The following CRTC3 variants were observed in gnomAD, a reference collection of about 807,000 sequenced individuals.
CRTC3 encodes the protein CREB regulated transcription coactivator 3, also known as CREB-regulated transcription coactivator 3.
Under a neutral mutation model 74.5 loss-of-function variants are expected in CRTC3, and 26 were observed. The observed-to-expected ratio is 0.35, with a 90% CI of 0.26 to 0.48. The LOEUF (loss-of-function observed/expected upper bound fraction) is 0.48, where lower values mean the gene tolerates loss of function less well. CRTC3 is among the 20% of genes least tolerant of loss of function. The probability of loss-of-function intolerance (pLI) is 0.99; values close to 1 mark genes in which losing one functional copy is unlikely to be tolerated. For missense variants in CRTC3, 760 were observed against 787.3 expected (o/e 0.97, Z 0.41); for synonymous variants, 377 against 325.8 (o/e 1.16, Z -1.69).
At chr15:90,607,545 A>T in intron 6 of CRTC3, 67 bp downstream of exon 6, 1 of 1,018,416 alleles carries the variant, frequency 9.8e-7, no homozygotes. Flanking sequence ...ACCAAGGGAG[A>T]GAGAAGCTGA....
At chr15:90,557,351 T>C (rs1966915389) in intron 2 of CRTC3, among the ~76,000 whole-genome samples, 1 of 152,118 alleles carries the variant, frequency 6.6e-6, no homozygotes, top group African/African-American at 2.4e-5. Context: ...TTTCTCGCCC[T>C]TTGCTGACAG....
At chr15:90,586,285 A>G (rs1232801008) in intron 2 of CRTC3, among the ~76,000 whole-genome samples, 1 of 151,748 alleles carries the variant, frequency 6.6e-6, no homozygotes, top group Non-Finnish European at 1.5e-5. Context: ...ATACTTTTTC[A>G]AAGTATTAAC....
intron 2 of CRTC3, among the ~76,000 whole-genome samples, chr15:90,554,207 T>C (rs1442420603): frequency 1.4e-5 from 2 of 138,362 alleles, no homozygotes; most frequent in East Asian, 2.0e-4. Flanking sequence ...GTGTTTCCTC[T>C]TTTTTTTTTT....
intron 11 of CRTC3, among the ~76,000 whole-genome samples, chr15:90,636,977 A>G (rs1178783365): frequency 6.6e-6 from 1 of 152,202 alleles, no homozygotes; most frequent in South Asian, 2.1e-4. Flanking sequence ...TAGTTCAACC[A>G]TTGTGGAAGT....
chr15:90,629,129 A>G, intron 10 of CRTC3, 105 bp from the exon 11 acceptor site: 1 of 1,109,020 alleles, frequency 9.0e-7, no homozygotes, highest in Non-Finnish European at 1.3e-6. Flanking sequence ...TCCTTTACCT[A>G]CAGAATCATC....
At chr15:90,531,758 G>A (rs975220218) in intron 1 of CRTC3, among the ~76,000 whole-genome samples, 2 of 152,064 alleles carry the variant, frequency 1.3e-5, no homozygotes, top group African/African-American at 4.8e-5. Context: ...GTTGTTATGT[G>A]TTTTTAAATA....
chr15:90,627,323 A>G (rs1018971989), intron 10 of CRTC3, among the ~76,000 whole-genome samples: 3 of 152,198 alleles, frequency 2.0e-5, no homozygotes, highest in African/African-American at 7.2e-5. Context: ...TTTGCTTCAT[A>G]GGAGAAATTT....
intron 5 of CRTC3, among the ~76,000 whole-genome samples, chr15:90,606,138 C>T (rs1242754515): frequency 2.0e-5 from 3 of 151,874 alleles, no homozygotes; most frequent in African/African-American, 7.3e-5. Flanking sequence ...TTCCTGTAAT[C>T]CCAGCTACTT....
intron 2 of CRTC3, among the ~76,000 whole-genome samples, chr15:90,581,751 CT>C (rs1471895734): frequency 6.6e-6 from 1 of 152,156 alleles, no homozygotes; most frequent in Non-Finnish European, 1.5e-5. Flanking sequence ...TGTTTTTTCT[CT>C]TTTAATTCCA....
Position 90,638,323 on chromosome 15 carries a change from T to C in CRTC3, c.1267-123T>C, listed in dbSNP as rs936633355. ...ATGAGAAACGGGCTTCTCACAGCAT[T>C]GCACAGAACACCGCGGTGAGGAAAA... On this transcript the variant is annotated intron_variant, in intron 11 of 14. Transcript: ENST00000268184. 1.2e-5 allele frequency: 9 copies of C among 762,804 alleles called. No individual in the cohort carries two copies. The Admixed American group carries it at 2.1e-4, about 18-fold the overall frequency. 47.3% of individuals were successfully genotyped at this position (762,804 alleles called of 1,614,324 possible).
chr15:90,559,712 C>G (rs375386983), intron 2 of CRTC3, among the ~76,000 whole-genome samples: 26 of 152,320 alleles, frequency 1.7e-4, no homozygotes, highest in African/African-American at 6.3e-4. Context: ...GCAACCTCTG[C>G]TTCCCGGGCT....
chr15:90,641,643 G>A (rs1033524421), intron 14 of CRTC3, among the ~76,000 whole-genome samples: 4 of 150,998 alleles, frequency 2.6e-5, no homozygotes, highest in Middle Eastern at 3.4e-3. Context: ...CTTGCAGTGA[G>A]CCGAGATTGT....
intron 2 of CRTC3, among the ~76,000 whole-genome samples, chr15:90,574,524 C>T (rs1967357335): frequency 6.6e-6 from 1 of 152,080 alleles, no homozygotes; most frequent in Non-Finnish European, 1.5e-5. Flanking sequence ...CAACATTATG[C>T]ACATACAGTT....
In CRTC3 at chr15:90,643,207, G is replaced by T. The variant is rs370506948; in HGVS notation, c.*1067G>T. On this transcript the variant is annotated 3_prime_UTR_variant, in exon 15 of 15. Coordinates refer to ENST00000268184, the MANE Select transcript of CRTC3 (RefSeq NM_022769.5). ...TGGAGTGAGTGCTGCAGAACCGTGCGTGCAGCGCATGATGAATGAGTGCGT... is the reference window on the plus strand; with the variant it reads ...TGGAGTGAGTGCTGCAGAACCGTGCTTGCAGCGCATGATGAATGAGTGCGT... 1 of 232,584 alleles carries T rather than the reference G, an allele frequency of 4.3e-6. No individual in the cohort carries two copies. The highest frequency in any genetic ancestry group is 2.2e-5 in the African/African-American group (1 of 45,298). The allele number at this position is 232,584 out of a possible 1,614,324, so 14.4% of individuals were successfully genotyped here.
At chr15:90,605,314 T>C (rs542163305) in intron 5 of CRTC3, among the ~76,000 whole-genome samples, 1 of 152,236 alleles carries the variant, frequency 6.6e-6, no homozygotes, top group South Asian at 2.1e-4. Context: ...AGAAGAGTTA[T>C]AAAAGGCCTG....
chr15:90,552,586 C>T (rs1215647299), intron 2 of CRTC3, among the ~76,000 whole-genome samples: 4 of 152,228 alleles, frequency 2.6e-5, no homozygotes, highest in East Asian at 1.9e-4. Flanking sequence ...AAAGATGACT[C>T]GGGCAGCAGG....
intron 2 of CRTC3, among the ~76,000 whole-genome samples, chr15:90,588,226 C>T (rs1400601911): frequency 1.3e-5 from 2 of 150,408 alleles, no homozygotes; most frequent in African/African-American, 2.4e-5. Context: ...CGCCACTGCA[C>T]TGCAGCCTGG....
chr15:90,586,455 C>G (rs1312541940), intron 2 of CRTC3, among the ~76,000 whole-genome samples: 2 of 151,116 alleles, frequency 1.3e-5, no homozygotes, highest in African/African-American at 2.4e-5. Context: ...CAACCTCTGC[C>G]CCCTGGGTTC....
At position 90,529,925 on chromosome 15, in the gene CRTC3, C is replaced by A. The variant is rs1363474384; in HGVS notation, c.-147C>A. On this transcript the variant is annotated 5_prime_UTR_variant, in exon 1 of 15. Coordinates refer to ENST00000268184, the MANE Select transcript of CRTC3 (RefSeq NM_022769.5). ...CGGCGCGCTCCCGGCCGCTCGCTGG[C>A]TCCGGGGCCGCGGCGGCTCCTCTGC... 71 of 481,072 alleles carry A rather than the reference C, an allele frequency of 1.5e-4. No homozygotes were observed. The highest frequency in any genetic ancestry group is 1.9e-4 in the Non-Finnish European group (69 of 363,528). The allele number at this position is 481,072 out of a possible 1,614,324, so 29.8% of individuals were successfully genotyped here. A position where few individuals can be genotyped will look rare whatever the true frequency, so the allele number is the denominator to read the frequency against.
Sources: gnomAD v4.1 joint callset for allele counts (sites outside exome capture counted in the v4.1 genomes callset) on GRCh38, gnomAD v4.1.1 for gene constraint, MANE v1.5 for transcripts, NCBI Gene and HGNC (gene_info 2026-07-23, HGNC 2026-07-21) for gene names.